Variants in ADGRB3 observed in about 807,000 individuals in gnomAD.
ADGRB3 encodes the protein brain-specific angiogenesis inhibitor 3.
ADGRB3 carries 37 observed loss-of-function variants against 193.4 expected under a neutral mutation model. The ratio of observed to expected loss-of-function variants is 0.19; its 90% CI spans 0.15 to 0.25. The LOEUF is 0.25. Ranked by LOEUF, ADGRB3 falls within the 10% of genes least tolerant of loss-of-function variation. The pLI is 1.00. For missense variants in ADGRB3, 1,637 were observed against 1,852.9 expected (o/e 0.88, Z 2.14); for synonymous variants, 690 against 644.2 (o/e 1.07, Z -1.08).
chr6:69,252,305 T>C (rs958235598), intron 20 of ADGRB3, among the ~76,000 whole-genome samples: 3 of 152,166 alleles, frequency 2.0e-5, no homozygotes, highest in Admixed American at 2.0e-4. Context: ...CAGTTTCCAA[T>C]TGATAGACAT....
chr6:68,783,339 A>G (rs1049581373), intron 3 of ADGRB3, among the ~76,000 whole-genome samples: 1 of 147,252 alleles, frequency 6.8e-6, no homozygotes, highest in Non-Finnish European at 1.5e-5. Context: ...TATATAATAT[A>G]CATATAATTA....
intron 13 of ADGRB3, among the ~76,000 whole-genome samples, chr6:69,045,869 C>G (rs895219966): frequency 1.3e-5 from 2 of 152,014 alleles, no homozygotes; most frequent in Non-Finnish European, 2.9e-5. Context: ...AAATTAGTGA[C>G]CCTAATTGAT....
intron 16 of ADGRB3, among the ~76,000 whole-genome samples, chr6:69,071,939 G>A (rs1772092089): frequency 6.6e-6 from 1 of 152,028 alleles, no homozygotes; most frequent in Non-Finnish European, 1.5e-5. Context: ...TCTTGTAGCA[G>A]AGTCCCTTTG....
chr6:68,811,179 C>T (rs1485337414), intron 3 of ADGRB3, among the ~76,000 whole-genome samples: 2 of 151,966 alleles, frequency 1.3e-5, no homozygotes, highest in African/African-American at 4.8e-5. Flanking sequence ...TATACACTAC[C>T]TTGATATTGA....
intron 24 of ADGRB3, 136 bp from the exon 25 acceptor site, chr6:69,338,780 C>A: frequency 1.4e-6 from 1 of 711,410 alleles, no homozygotes; most frequent in Non-Finnish European, 2.4e-6. Context: ...ATCTTTACAA[C>A]AACCTAGAGC....
chr6:69,376,214 C>G (rs973322441), intron 30 of ADGRB3, among the ~76,000 whole-genome samples: 1 of 150,452 alleles, frequency 6.6e-6, no homozygotes, highest in Non-Finnish European at 1.5e-5. Flanking sequence ...TGTCAGCCTC[C>G]TAGTAGCTGG....
chr6:68,868,911 ATG>A (rs375255522), intron 3 of ADGRB3, among the ~76,000 whole-genome samples: 313 of 139,796 alleles, frequency 2.2e-3, no homozygotes, highest in African/African-American at 5.9e-3. Context: ...CCAGATAATG[ATG>A]TGTGTGTGTG....
At chr6:69,172,964 A>C (rs1410181795) in intron 17 of ADGRB3, among the ~76,000 whole-genome samples, 1 of 152,250 alleles carries the variant, frequency 6.6e-6, no homozygotes, top group East Asian at 1.9e-4. Context: ...CAGGAGTTAT[A>C]GGCAGGGCCT....
chr6:69,356,197 G>T (rs538036345), intron 28 of ADGRB3, among the ~76,000 whole-genome samples: 1 of 152,242 alleles, frequency 6.6e-6, no homozygotes, highest in African/African-American at 2.4e-5. Flanking sequence ...GACAATTAAA[G>T]GCAACCCTCC....
At chr6:68,978,067 T>C (rs3798982) in intron 10 of ADGRB3, among the ~76,000 whole-genome samples, 16,142 of 151,454 alleles carry the variant, frequency 0.11, 2,011 homozygotes, top group East Asian at 0.57. Flanking sequence ...ATGGAATTGG[T>C]TCCATCATCT....
chr6:69,353,038 C>T (rs183911495), intron 26 of ADGRB3, among the ~76,000 whole-genome samples: 1 of 152,238 alleles, frequency 6.6e-6, no homozygotes, highest in African/African-American at 2.4e-5. Context: ...ATGACATTGA[C>T]ATTGACTTGG....
intron 17 of ADGRB3, among the ~76,000 whole-genome samples, chr6:69,213,784 A>G (rs1292765866): frequency 2.0e-5 from 3 of 152,174 alleles, no homozygotes; most frequent in Non-Finnish European, 4.4e-5. Context: ...AGATAGATGG[A>G]TCAATAAATA....
chr6:68,712,522 A>C (rs886158221), intron 3 of ADGRB3, among the ~76,000 whole-genome samples: 3 of 152,024 alleles, frequency 2.0e-5, no homozygotes, highest in Non-Finnish European at 2.9e-5. Context: ...AAGGAGAAAT[A>C]ATGTATGAGT....
intron 17 of ADGRB3, among the ~76,000 whole-genome samples, chr6:69,110,053 T>C (rs1274582506): frequency 6.6e-6 from 1 of 151,600 alleles, no homozygotes; most frequent in Non-Finnish European, 1.5e-5. Flanking sequence ...GTTCAAGCGA[T>C]TCTCCTGCCT....
chr6:69,292,585 A>T (rs1767711857), intron 20 of ADGRB3, among the ~76,000 whole-genome samples: 3 of 152,098 alleles, frequency 2.0e-5, no homozygotes, highest in Admixed American at 2.0e-4. Context: ...GCTCCAGGTC[A>T]TAGGAAACTA....
intron 3 of ADGRB3, among the ~76,000 whole-genome samples, chr6:68,740,541 G>A (rs1037527634): frequency 6.6e-6 from 1 of 151,968 alleles, no homozygotes; most frequent in Admixed American, 6.6e-5. Context: ...GTAGATTTTG[G>A]ACTAGATACA....
intron 30 of ADGRB3, among the ~76,000 whole-genome samples, chr6:69,381,953 T>C (rs1769955012): frequency 6.6e-6 from 1 of 151,888 alleles, no homozygotes; most frequent in South Asian, 2.1e-4. Flanking sequence ...TTTTCTCCTT[T>C]AAAATAACAA....
intron 3 of ADGRB3, among the ~76,000 whole-genome samples, chr6:68,698,617 G>A (rs1765193336): frequency 6.6e-6 from 1 of 152,010 alleles, no homozygotes; most frequent in Admixed American, 6.6e-5. Context: ...TTACCTTTAT[G>A]AGAGTTAGTA....
intron 15 of ADGRB3, among the ~76,000 whole-genome samples, chr6:69,058,987 T>C (rs1771633840): frequency 6.6e-6 from 1 of 152,090 alleles, no homozygotes; most frequent in Admixed American, 6.6e-5. Flanking sequence ...ATTCATGTCA[T>C]CTGTTTTCTT....
Sources: allele counts gnomAD v4.1 joint callset (sites outside exome capture counted in the v4.1 genomes callset), GRCh38; gene constraint gnomAD v4.1.1; transcripts MANE v1.5; gene names NCBI Gene and HGNC (gene_info 2026-07-23, HGNC 2026-07-21).